Variants in PCDHGA7 observed in about 807,000 individuals in gnomAD.
PCDHGA7 encodes protocadherin gamma subfamily A, 7.
Under a neutral mutation model 58.3 loss-of-function variants are expected in PCDHGA7, and 44 were observed. That is an observed-to-expected ratio of 0.75 (90% CI 0.59 to 0.97). PCDHGA7 has a LOEUF of 0.97. PCDHGA7 is among the 50% of genes least tolerant of loss of function. The pLI is 0.00. For missense variants in PCDHGA7, 1,266 were observed against 1,188.7 expected (o/e 1.06, Z -0.96); for synonymous variants, 516 against 504.2 (o/e 1.02, Z -0.31).
chr5:141,409,275 A>G (rs1266955919), intron 1 of PCDHGA7: 1 of 1,614,020 alleles, frequency 6.2e-7, no homozygotes, highest in South Asian at 1.1e-5. Flanking sequence ...CAGATTTTGG[A>G]GAATTCACCT....
chr5:141,458,674 A>G (rs1315462699), intron 1 of PCDHGA7, among the ~76,000 whole-genome samples: 1 of 152,104 alleles, frequency 6.6e-6, no homozygotes, highest in East Asian at 1.9e-4. Flanking sequence ...GGTTCAAGCA[A>G]TTCTACTGCC....
chr5:141,491,407 G>A lies in PCDHGA7; in HGVS notation c.2425-3400G>A. ...GAAGTGCCTTCAGGGAAACGCAGAC[G>A]GGGACGGGGGTGGAGGGCAGTGCTG... is the stretch of plus-strand genomic sequence containing the variant. On this transcript the variant is annotated intron_variant, in intron 1 of 3. Transcript: ENST00000518325. The surrounding 1 kb of genome is among the most constrained non-coding windows in gnomAD (Gnocchi z 6.9). The A allele has an allele frequency of 6.2e-7, 1 of 1,614,116 alleles. No individual in the cohort carries two copies. The highest frequency in any genetic ancestry group is 8.5e-7 in the Non-Finnish European group (1 of 1,180,000).
intron 1 of PCDHGA7, chr5:141,440,564 A>T (rs531383065): frequency 1.3e-5 from 2 of 152,248 alleles, no homozygotes; most frequent in Non-Finnish European, 2.9e-5. Context: ...TAAGTTACGT[A>T]TCTCTGAGTT....
At chr5:141,433,208 CTTT>C (rs745329085) in intron 1 of PCDHGA7, 6 of 1,292,918 alleles carry the variant, frequency 4.6e-6, no homozygotes, top group East Asian at 2.6e-5. Flanking sequence ...AATCTTCTTT[CTTT>C]TTTTTTTTTA....
intron 1 of PCDHGA7, chr5:141,394,115 T>G: frequency 2.5e-6 from 4 of 1,613,954 alleles, no homozygotes; most frequent in Non-Finnish European, 3.4e-6. Flanking sequence ...CTCTGTCCAC[T>G]GAAACTCAAA....
chr5:141,419,354 C>G (rs1444462815), intron 1 of PCDHGA7: 1 of 1,613,828 alleles, frequency 6.2e-7, no homozygotes, highest in Admixed American at 1.7e-5. Flanking sequence ...CCTGGAGTCA[C>G]GAACGCTGTC....
rs757568006 is a variant in PCDHGA7 at position 141,389,895 on chromosome 5, C to A, written c.2424+4572C>A. 1.2e-5 allele frequency: 20 copies of A among 1,614,088 alleles called. No homozygotes were observed. In the Middle Eastern group the frequency reaches 2.0e-3, roughly 160 times the overall value. On this transcript the variant is annotated intron_variant, in intron 1 of 3. Coordinates refer to ENST00000518325, the MANE Select transcript of PCDHGA7 (RefSeq NM_018920.4). Reference sequence around the variant, plus strand: ...CGCCGACAGCTTGCAGGAGGTGCTGCCGGATATCACTGACCGCCCCGACCC... The same window carrying A: ...CGCCGACAGCTTGCAGGAGGTGCTGACGGATATCACTGACCGCCCCGACCC...
chr5:141,469,821 G>GTCAC (rs2099212195), intron 1 of PCDHGA7, among the ~76,000 whole-genome samples: 1 of 152,028 alleles, frequency 6.6e-6, no homozygotes, highest in African/African-American at 2.4e-5. Flanking sequence ...TAGAATGGAG[G>GTCAC]TCACATAAAA....
intron 1 of PCDHGA7, chr5:141,392,870 G>A (rs757363357): frequency 6.2e-7 from 1 of 1,613,226 alleles, no homozygotes; most frequent in East Asian, 2.2e-5. Flanking sequence ...TGTGCGCGCT[G>A]CTGGGAACGC....
rs753872725 is a variant in PCDHGA7, at chr5:141,423,153, C to T, written c.2424+37830C>T. ...TGGACAGAGACGCGCTCAAGCAGAG[C>T]CTCGTGGTGGCCGTCCAGGACCACG... On this transcript the variant is annotated intron_variant, in intron 1 of 3. Transcript: ENST00000518325. The T allele has an allele frequency of 3.7e-6, 6 of 1,613,482 alleles. No homozygotes were observed. The East Asian group carries it at 8.9e-5, about 24-fold the overall frequency.
chr5:141,458,575 G>A (rs1337776166), intron 1 of PCDHGA7, among the ~76,000 whole-genome samples: 1 of 151,346 alleles, frequency 6.6e-6, no homozygotes, highest in Non-Finnish European at 1.5e-5. Context: ...GTTTTTGTTT[G>A]TTTGTTTGTT....
At chr5:141,496,011 T>G (rs1232125559) in intron 2 of PCDHGA7, among the ~76,000 whole-genome samples, 1 of 152,114 alleles carries the variant, frequency 6.6e-6, no homozygotes, top group African/African-American at 2.4e-5. Flanking sequence ...ATCTTGTCTT[T>G]TTTCTCTGAG....
intron 1 of PCDHGA7, among the ~76,000 whole-genome samples, chr5:141,437,364 T>C (rs1026384836): frequency 6.6e-6 from 1 of 152,232 alleles, no homozygotes; most frequent in African/African-American, 2.4e-5. Flanking sequence ...AAAATTGGAA[T>C]GTAATCAGTC....
At chr5:141,390,045 T>G in intron 1 of PCDHGA7, 1 of 1,614,076 alleles carries the variant, frequency 6.2e-7, no homozygotes, top group Non-Finnish European at 8.5e-7. Context: ...CAGCCCCGCC[T>G]CCTGGAGCTG....
chr5:141,438,386 T>C (rs757664430), intron 1 of PCDHGA7, among the ~76,000 whole-genome samples: 1 of 151,778 alleles, frequency 6.6e-6, no homozygotes, highest in Admixed American at 6.6e-5. Flanking sequence ...AATTTCTTAG[T>C]TCATCATTAA....
intron 1 of PCDHGA7, chr5:141,415,974 CAA>C (rs1192315813): frequency 2.7e-6 from 1 of 375,644 alleles, no homozygotes; most frequent in Non-Finnish European, 4.4e-6. Context: ...GCCCCTTAAG[CAA>C]CCCTCTTGTT....
chr5:141,435,883 C>A (rs1458527952), intron 1 of PCDHGA7, among the ~76,000 whole-genome samples: 1 of 152,020 alleles, frequency 6.6e-6, no homozygotes, highest in African/African-American at 2.4e-5. Flanking sequence ...GATTGGAAAC[C>A]CCTTAGAGAA....
At chr5:141,494,583 G>A (rs2099755431) in intron 1 of PCDHGA7, among the ~76,000 whole-genome samples, 1 of 152,152 alleles carries the variant, frequency 6.6e-6, no homozygotes, top group Non-Finnish European at 1.5e-5. Flanking sequence ...CTTGCTCACT[G>A]TGGTCAGATG....
At chr5:141,442,947 C>T (rs185574624) in intron 1 of PCDHGA7, among the ~76,000 whole-genome samples, 92 of 152,282 alleles carry the variant, frequency 6.0e-4, no homozygotes, top group African/African-American at 1.7e-3. Flanking sequence ...AACTTCCTCT[C>T]ACTGCAAAAA....
Sources: allele counts gnomAD v4.1 joint callset (sites outside exome capture counted in the v4.1 genomes callset), GRCh38; gene constraint gnomAD v4.1.1; non-coding constraint Gnocchi (gnomAD v3.1); transcripts MANE v1.5; gene names NCBI Gene and HGNC (gene_info 2026-07-23, HGNC 2026-07-21).